Variants in BAZ2B observed in about 807,000 individuals in gnomAD.
BAZ2B encodes the protein bromodomain adjacent to zinc finger domain protein 2B.
A neutral mutation model predicts 246.0 loss-of-function variants in BAZ2B; 91 were observed. That is an observed-to-expected ratio of 0.37 (90% CI 0.31 to 0.44). BAZ2B has a LOEUF of 0.44. BAZ2B is among the 20% of genes least tolerant of loss of function. The pLI is 1.00. For synonymous variants in BAZ2B, 855 were observed against 860.0 expected (o/e 0.99, Z 0.10); for missense variants, 2,332 against 2,533.7 (o/e 0.92, Z 1.71).
intron 1 of BAZ2B, among the ~76,000 whole-genome samples, chr2:159,605,546 T>C (rs188045851): frequency 6.6e-6 from 1 of 152,234 alleles, no homozygotes; most frequent in African/African-American, 2.4e-5. Context: ...GTGGCTCATA[T>C]TAAAATGCAA....
At chr2:159,513,765 A>G (rs1396090000) in intron 2 of BAZ2B, among the ~76,000 whole-genome samples, 2 of 152,216 alleles carry the variant, frequency 1.3e-5, no homozygotes, top group African/African-American at 2.4e-5. Context: ...GACTCCTTAC[A>G]TATAGTCTAT....
chr2:159,426,635 G>C (rs1299638789), intron 13 of BAZ2B, among the ~76,000 whole-genome samples: 1 of 152,050 alleles, frequency 6.6e-6, no homozygotes, highest in South Asian at 2.1e-4. Flanking sequence ...CCAATAAAGA[G>C]ACAGGTAGAT....
At chr2:159,648,679 T>A in the BAZ2B span, among the ~76,000 whole-genome samples, 3 of 152,248 alleles carry the variant, frequency 2.0e-5, no homozygotes, top group Non-Finnish European at 2.9e-5. Context: ...CTAAATTGTA[T>A]TTCATTATAC....
intron 1 of BAZ2B, among the ~76,000 whole-genome samples, chr2:159,581,515 G>C (rs968587782): frequency 6.6e-6 from 1 of 152,156 alleles, no homozygotes; most frequent in African/African-American, 2.4e-5. Context: ...ACAGTGTGGT[G>C]ATTCCTCAAG....
At chr2:159,336,357 T>G (rs1413223184) in intron 33 of BAZ2B, among the ~76,000 whole-genome samples, 1 of 152,242 alleles carries the variant, frequency 6.6e-6, no homozygotes, top group East Asian at 1.9e-4. Context: ...TAGAGATTTT[T>G]GTGATAAACT....
intron 2 of BAZ2B, among the ~76,000 whole-genome samples, chr2:159,495,357 C>T (rs2080971453): frequency 6.7e-6 from 1 of 148,262 alleles, no homozygotes; most frequent in Non-Finnish European, 1.5e-5. Flanking sequence ...TAGTGGCGGG[C>T]GCCTGTAGTC....
At chr2:159,524,403 G>A (rs2084504610) in intron 2 of BAZ2B, among the ~76,000 whole-genome samples, 2 of 152,032 alleles carry the variant, frequency 1.3e-5, no homozygotes, top group South Asian at 4.1e-4. Context: ...GCAGTGAGCT[G>A]TGATCATGTC....
At chr2:159,589,024 T>C (rs1688691397) in intron 1 of BAZ2B, among the ~76,000 whole-genome samples, 1 of 152,164 alleles carries the variant, frequency 6.6e-6, no homozygotes. Context: ...TTAAACAAAC[T>C]AATTTCTTCA....
At chr2:159,441,358 T>C (rs564594840) in intron 6 of BAZ2B, among the ~76,000 whole-genome samples, 2 of 152,192 alleles carry the variant, frequency 1.3e-5, no homozygotes, top group Non-Finnish European at 2.9e-5. Context: ...ATAACATTCC[T>C]GAGTCCCACT....
intron 30 of BAZ2B, among the ~76,000 whole-genome samples, chr2:159,348,102 T>C (rs2149119219): frequency 6.6e-6 from 1 of 151,880 alleles, no homozygotes; most frequent in Admixed American, 6.6e-5. Flanking sequence ...GAGGATCACT[T>C]GAGGCCAGGA....
At chr2:159,611,357 G>C (rs1316519483) in intron 1 of BAZ2B, among the ~76,000 whole-genome samples, 1 of 151,742 alleles carries the variant, frequency 6.6e-6, no homozygotes, top group Non-Finnish European at 1.5e-5. Flanking sequence ...TATGTTATGA[G>C]TAAATACATT....
intron 1 of BAZ2B, among the ~76,000 whole-genome samples, chr2:159,605,838 A>C (rs902291116): frequency 1.3e-5 from 2 of 152,208 alleles, no homozygotes; most frequent in Non-Finnish European, 2.9e-5. Context: ...CAGTACAAAA[A>C]CATTTTCACG....
intron 1 of BAZ2B, among the ~76,000 whole-genome samples, chr2:159,576,629 T>G (rs1305291133): frequency 6.6e-6 from 1 of 151,714 alleles, no homozygotes; most frequent in Non-Finnish European, 1.5e-5. Flanking sequence ...GTATAAAAGT[T>G]TTGGCCAGGC....
rs371259777 is a variant in BAZ2B at position 159,327,375 on chromosome 2, T to C, written c.5944-1457A>G. On this transcript the variant is annotated intron_variant, in intron 34 of 36. Coordinates refer to ENST00000392783, the MANE Select transcript of BAZ2B (RefSeq NM_013450.4). ...GTTTCTTTATTGGCAGGTTAAAGTA[T>C]AGTTAAGGAGATATTTTAATTGACT... Among the ~76,000 whole-genome samples, 11 of 152,196 alleles carry C rather than the reference T, an allele frequency of 7.2e-5. No individual in the cohort carries two copies. In the East Asian group the frequency reaches 7.7e-4, roughly 11 times the overall value.
intron 1 of BAZ2B, among the ~76,000 whole-genome samples, chr2:159,566,972 G>C (rs528552440): frequency 6.6e-6 from 1 of 152,246 alleles, no homozygotes; most frequent in South Asian, 2.1e-4. Flanking sequence ...GGCCGGGCGT[G>C]GTGGCTCACA....
intron 2 of BAZ2B, among the ~76,000 whole-genome samples, chr2:159,555,046 T>C (rs2088881867): frequency 6.6e-6 from 1 of 151,076 alleles, no homozygotes; most frequent in Admixed American, 6.6e-5. Context: ...GCTATATATA[T>C]GTGGTATGTG....
chr2:159,694,744 T>A, the BAZ2B span: 1 of 152,224 alleles, frequency 6.6e-6, no homozygotes, highest in Non-Finnish European at 1.5e-5. Context: ...TTGTTGCACA[T>A]TTCAGTTGTT....
the BAZ2B span, among the ~76,000 whole-genome samples, chr2:159,630,539 T>TC: frequency 1.4e-3 from 43 of 31,436 alleles, no homozygotes; most frequent in East Asian, 0.082. Context: ...TTCTTCTCTC[T>TC]TTTTTTTTTT....
chr2:159,431,934 G>A (rs1002090527), intron 9 of BAZ2B, among the ~76,000 whole-genome samples: 1 of 152,072 alleles, frequency 6.6e-6, no homozygotes, highest in African/African-American at 2.4e-5. Context: ...AGTTTTGAAA[G>A]TTATGAATAT....
Sources: allele counts gnomAD v4.1 joint callset (sites outside exome capture counted in the v4.1 genomes callset), GRCh38; gene constraint gnomAD v4.1.1; transcripts MANE v1.5; gene names NCBI Gene and HGNC (gene_info 2026-07-23, HGNC 2026-07-21).